ZMAT4: variants seen among roughly 807,000 people sequenced by gnomAD.
ZMAT4 encodes zinc finger matrin-type 4.
ZMAT4 carries 17 observed loss-of-function variants against 28.7 expected under a neutral mutation model. The ratio of observed to expected loss-of-function variants is 0.59; its 90% confidence interval spans 0.41 to 0.89. The LOEUF is 0.89. Ranked by LOEUF, ZMAT4 falls within the 40% of genes least tolerant of loss-of-function variation. ZMAT4 has a pLI of 0.00. For missense variants in ZMAT4, 240 were observed against 283.8 expected (o/e 0.85, Z 1.11); for synonymous variants, 117 against 109.2 (o/e 1.07, Z -0.44).
At chr8:40,861,726 A>G (rs1448614554) in intron 1 of ZMAT4, among the ~76,000 whole-genome samples, 1 of 152,232 alleles carries the variant, frequency 6.6e-6, no homozygotes, top group Non-Finnish European at 1.5e-5. Flanking sequence ...TTTACAAGAA[A>G]AAAACAAACA....
chr8:40,619,392 A>C (rs1267825827), intron 5 of ZMAT4, among the ~76,000 whole-genome samples: 1 of 152,070 alleles, frequency 6.6e-6, no homozygotes, highest in Admixed American at 6.6e-5. Flanking sequence ...GATTCTTTGG[A>C]TCTCTATACA....
At chr8:40,875,031 G>T (rs901666479) in intron 1 of ZMAT4, among the ~76,000 whole-genome samples, 4 of 152,166 alleles carry the variant, frequency 2.6e-5, no homozygotes, top group Non-Finnish European at 1.5e-5. Flanking sequence ...TCCTCCACGG[G>T]CTGTATTTGT....
chr8:40,748,759 T>C (rs1440366442), intron 3 of ZMAT4, among the ~76,000 whole-genome samples: 1 of 152,082 alleles, frequency 6.6e-6, no homozygotes, highest in Non-Finnish European at 1.5e-5. Flanking sequence ...TTTTAAGAAA[T>C]GCATCTCTAA....
intron 1 of ZMAT4, among the ~76,000 whole-genome samples, chr8:40,851,261 G>T (rs1586167427): frequency 6.6e-6 from 1 of 152,284 alleles, no homozygotes; most frequent in East Asian, 1.9e-4. Context: ...CCAGGAGGCG[G>T]AGATTGCAGT....
chr8:40,877,441 T>C (rs975285254), intron 1 of ZMAT4, among the ~76,000 whole-genome samples: 9 of 152,166 alleles, frequency 5.9e-5, no homozygotes, highest in Non-Finnish European at 7.4e-5. Context: ...GCTGGAACGA[T>C]TGGCTGCTGA....
intron 2 of ZMAT4, among the ~76,000 whole-genome samples, chr8:40,778,021 G>A (rs1813676731): frequency 6.6e-6 from 1 of 152,194 alleles, no homozygotes; most frequent in Non-Finnish European, 1.5e-5. Context: ...CAGGGCTGTT[G>A]CTCTTTAAAT....
chr8:40,819,098 C>T (rs759007485), intron 2 of ZMAT4, among the ~76,000 whole-genome samples: 8 of 152,032 alleles, frequency 5.3e-5, no homozygotes, highest in Admixed American at 6.6e-5. Flanking sequence ...AAAGTTCTGT[C>T]GGAAGTCAAT....
chr8:40,647,696 G>T (rs1213915721), intron 5 of ZMAT4, among the ~76,000 whole-genome samples: 1 of 152,188 alleles, frequency 6.6e-6, no homozygotes, highest in African/African-American at 2.4e-5. Flanking sequence ...TTTGAAGAGA[G>T]CAGTGGTTCT....
chr8:40,805,811 G>A (rs1175184989), intron 2 of ZMAT4, among the ~76,000 whole-genome samples: 4 of 132,232 alleles, frequency 3.0e-5, no homozygotes, highest in East Asian at 2.4e-4. Context: ...AGGGGGGAGG[G>A]ATGGCATTGG....
chr8:40,770,560 T>TTG (rs1268404213), intron 2 of ZMAT4, among the ~76,000 whole-genome samples: 2 of 149,054 alleles, frequency 1.3e-5, no homozygotes, highest in African/African-American at 2.5e-5. Context: ...TTTTTTTTTT[T>TTG]TTTTTGTGAC....
chr8:40,706,591 A>T (rs1029940785), intron 3 of ZMAT4, among the ~76,000 whole-genome samples: 1 of 152,282 alleles, frequency 6.6e-6, no homozygotes, highest in African/African-American at 2.4e-5. Flanking sequence ...AAAAACTCTC[A>T]ACCACACTTT....
chr8:40,891,854 T>TTTC (rs1253708339), intron 1 of ZMAT4, among the ~76,000 whole-genome samples: 1 of 152,190 alleles, frequency 6.6e-6, no homozygotes, highest in Non-Finnish European at 1.5e-5. Context: ...ACTGGGGTGC[T>TTTC]TTCTTCTTTC....
At chr8:40,707,556 T>C (rs79669824) in intron 3 of ZMAT4, among the ~76,000 whole-genome samples, 7,009 of 152,142 alleles carry the variant, frequency 0.046, 314 homozygotes, top group East Asian at 0.25. Flanking sequence ...ATCCAGAAAA[T>C]ACTATTCAAA....
intron 5 of ZMAT4, among the ~76,000 whole-genome samples, chr8:40,603,051 T>C (rs1805452732): frequency 6.6e-6 from 1 of 152,214 alleles, no homozygotes; most frequent in African/African-American, 2.4e-5. Flanking sequence ...AGGTCTTAGA[T>C]TTAAGTCTTT....
intron 2 of ZMAT4, among the ~76,000 whole-genome samples, chr8:40,772,146 A>G (rs1039897640): frequency 2.0e-5 from 3 of 152,208 alleles, no homozygotes. Context: ...AGCAAAACTC[A>G]TTTATTTCAT....
chr8:40,781,761 C>CAAAAAAAAAAAAAAAAAAAAAAAA (rs59432510), intron 2 of ZMAT4, among the ~76,000 whole-genome samples: 1 of 38,522 alleles, frequency 2.6e-5, no homozygotes, highest in Non-Finnish European at 5.6e-5. Flanking sequence ...GACTCCGTCT[C>CAAAAAAAAAAAAAAAAAAAAAAAA]AAAAAAAAAA....
In ZMAT4 at chr8:40,808,678, AAGAG is replaced by A. The variant is rs558776015; in HGVS notation, c.102+16893_102+16896del. On this transcript the variant is annotated intron_variant, in intron 2 of 6. Transcript: ENST00000297737. ...TCTTCACTCAGGGGAGGTAACAAGA[AAGAG>A]AGGGAAAGAGCAGGCAAATCAGTGA... is the stretch of plus-strand genomic sequence containing the variant. 6.9e-4 allele frequency: 239 copies of A among 347,366 alleles called. 1 individual carries two copies. Among genetic ancestry groups the A allele is most frequent in the South Asian group, 5.3e-3 (235 of 44,520 alleles). 21.5% of individuals were successfully genotyped at this position (347,366 alleles called of 1,614,324 possible).
At chr8:40,565,728 C>A (rs1001885395) in intron 6 of ZMAT4, among the ~76,000 whole-genome samples, 1 of 151,522 alleles carries the variant, frequency 6.6e-6, no homozygotes, top group African/African-American at 2.4e-5. Context: ...CCTAAGCCTG[C>A]CTTCTTTCCC....
At chr8:40,606,929 G>A (rs1222382438) in intron 5 of ZMAT4, among the ~76,000 whole-genome samples, 1 of 151,736 alleles carries the variant, frequency 6.6e-6, no homozygotes, top group Non-Finnish European at 1.5e-5. Flanking sequence ...TGTCTTTGTT[G>A]GATTGGGTTA....
Sources: allele counts gnomAD v4.1 joint callset (sites outside exome capture counted in the v4.1 genomes callset), GRCh38; gene constraint gnomAD v4.1.1; transcripts MANE v1.5; gene names NCBI Gene and HGNC (gene_info 2026-07-23, HGNC 2026-07-21).